The following PAK5 variants were observed in gnomAD, a reference collection of about 807,000 sequenced individuals.
PAK5 encodes p21 (RAC1) activated kinase 5.
In PAK5, 16 loss-of-function variants were observed where a neutral mutation model predicts 65.9. The ratio of observed to expected loss-of-function variants is 0.24; its 90% confidence interval spans 0.16 to 0.37. The LOEUF (loss-of-function observed/expected upper bound fraction) is 0.37. Among genes scored for constraint, PAK5 ranks in the 10% least tolerant of loss-of-function variants. The pLI is 1.00. For synonymous variants in PAK5, 371 were observed against 354.9 expected, an observed-to-expected ratio of 1.05 and a Z score of -0.51; for missense variants, 785 against 903.9, an observed-to-expected ratio of 0.87 and a Z score of 1.69.
chr20:9,605,073 T>A (rs2046428312), intron 3 of PAK5, among the ~76,000 whole-genome samples: 1 of 152,078 alleles, frequency 6.6e-6, no homozygotes, highest in Admixed American at 6.5e-5. Flanking sequence ...ATGAGAGAAA[T>A]CCACATTGGG....
intron 1 of PAK5, among the ~76,000 whole-genome samples, chr20:9,761,609 A>G (rs960651518): frequency 2.0e-5 from 3 of 152,126 alleles, no homozygotes; most frequent in African/African-American, 7.2e-5. Context: ...CAAGAACAAG[A>G]AGGCTGGAGG....
At chr20:9,826,135 A>T (rs943135660) in intron 1 of PAK5, among the ~76,000 whole-genome samples, 13 of 152,184 alleles carry the variant, frequency 8.5e-5, no homozygotes, top group Non-Finnish European at 1.5e-4. Flanking sequence ...CAAATTTTGC[A>T]ACTAAGTGTA....
intron 2 of PAK5, among the ~76,000 whole-genome samples, chr20:9,684,609 C>T (rs2047693639): frequency 6.6e-6 from 1 of 152,182 alleles, no homozygotes; most frequent in African/African-American, 2.4e-5. Context: ...GATGTTTGCA[C>T]TGCATCCTGC....
chr20:9,759,872 G>A (rs1438840944), intron 1 of PAK5, among the ~76,000 whole-genome samples: 2 of 152,146 alleles, frequency 1.3e-5, no homozygotes, highest in Admixed American at 6.6e-5. Context: ...CATTCAAGTC[G>A]TAACATATAC....
chr20:9,829,359 T>G (rs1169431187), intron 1 of PAK5, among the ~76,000 whole-genome samples: 1 of 152,188 alleles, frequency 6.6e-6, no homozygotes, highest in African/African-American at 2.4e-5. Flanking sequence ...ACTTTTCTTA[T>G]CCATTGAATT....
At chr20:9,553,475 TC>T (rs1288098450) in intron 7 of PAK5, among the ~76,000 whole-genome samples, 7 of 152,170 alleles carry the variant, frequency 4.6e-5, no homozygotes, top group Non-Finnish European at 1.5e-5. Context: ...CTGGTGCTGT[TC>T]TTTACAGACA....
At chr20:9,722,141 T>C (rs1046535310) in intron 1 of PAK5, among the ~76,000 whole-genome samples, 2 of 151,590 alleles carry the variant, frequency 1.3e-5, no homozygotes, top group Non-Finnish European at 2.9e-5. Flanking sequence ...ATGAACTGAG[T>C]GAGTGAGTGA....
At chr20:9,578,055 T>C (rs2045917515) in intron 4 of PAK5, among the ~76,000 whole-genome samples, 1 of 152,230 alleles carries the variant, frequency 6.6e-6, no homozygotes, top group African/African-American at 2.4e-5. Flanking sequence ...CTGGGACTTC[T>C]CATGGATTTT....
At chr20:9,639,799 T>C (rs1190187720) in intron 3 of PAK5, among the ~76,000 whole-genome samples, 2 of 152,202 alleles carry the variant, frequency 1.3e-5, no homozygotes, top group Non-Finnish European at 2.9e-5. Flanking sequence ...GGACTGATTG[T>C]CAGAGAGGAA....
intron 1 of PAK5, among the ~76,000 whole-genome samples, chr20:9,732,083 G>A (rs1309200162): frequency 2.0e-5 from 3 of 152,028 alleles, no homozygotes; most frequent in African/African-American, 7.2e-5. Flanking sequence ...GATACATTAG[G>A]TCAAATAGAA....
intron 1 of PAK5, among the ~76,000 whole-genome samples, chr20:9,815,196 A>G (rs1463643968): frequency 6.6e-6 from 1 of 152,162 alleles, no homozygotes; most frequent in East Asian, 1.9e-4. Flanking sequence ...AACACTTCCT[A>G]CCAGGCCCAC....
At chr20:9,679,395 C>G (rs546129017) in intron 2 of PAK5, among the ~76,000 whole-genome samples, 2 of 152,212 alleles carry the variant, frequency 1.3e-5, no homozygotes, top group Non-Finnish European at 2.9e-5. Context: ...TTCAAGGGTC[C>G]ACTGTCTATC....
chr20:9,670,485 T>C (rs6108323), intron 2 of PAK5, among the ~76,000 whole-genome samples: 27,656 of 151,884 alleles, frequency 0.18, 2,849 homozygotes, highest in East Asian at 0.39. Flanking sequence ...GAGATGGTAT[T>C]TCACTGTGGT....
intron 3 of PAK5, among the ~76,000 whole-genome samples, chr20:9,585,279 G>T (rs1363510056): frequency 6.6e-6 from 1 of 152,138 alleles, no homozygotes; most frequent in African/African-American, 2.4e-5. Context: ...ATTTTGGAAA[G>T]AGTCTAGGTC....
chr20:9,736,424 A>G (rs1260636813), intron 1 of PAK5, among the ~76,000 whole-genome samples: 1 of 152,216 alleles, frequency 6.6e-6, no homozygotes, highest in Non-Finnish European at 1.5e-5. Context: ...TAACAAGCCC[A>G]GTGAATCCTG....
chr20:9,701,688 G>T (rs1488885460), intron 2 of PAK5, among the ~76,000 whole-genome samples: 2 of 152,052 alleles, frequency 1.3e-5, no homozygotes, highest in Non-Finnish European at 2.9e-5. Context: ...ATATATCCTG[G>T]ATACATTTAT....
At chr20:9,725,818 A>T (rs1212639557) in intron 1 of PAK5, among the ~76,000 whole-genome samples, 2 of 152,178 alleles carry the variant, frequency 1.3e-5, no homozygotes, top group Non-Finnish European at 2.9e-5. Flanking sequence ...AAATGCACTG[A>T]TATGTTATAT....
intron 1 of PAK5, among the ~76,000 whole-genome samples, chr20:9,734,628 A>G (rs535843820): frequency 5.4e-4 from 82 of 152,134 alleles, no homozygotes; most frequent in Non-Finnish European, 9.9e-4. Context: ...CCTGCTAATA[A>G]TTCACACAGC....
At chr20:9,708,022 T>C (rs1277184040) in intron 2 of PAK5, among the ~76,000 whole-genome samples, 1 of 152,242 alleles carries the variant, frequency 6.6e-6, no homozygotes, top group Non-Finnish European at 1.5e-5. Context: ...GTTCAATAGC[T>C]ACAACATACT....
Sources: gnomAD v4.1 joint callset for allele counts (sites outside exome capture counted in the v4.1 genomes callset) on GRCh38, gnomAD v4.1.1 for gene constraint, MANE v1.5 for transcripts, NCBI Gene and HGNC (gene_info 2026-07-23, HGNC 2026-07-21) for gene names.